Variants in AHNAK2 observed in about 807,000 individuals in gnomAD.
AHNAK2 encodes the protein protein AHNAK2.
AHNAK2 carries 18 observed loss-of-function variants against 30.7 expected under a neutral mutation model. That is an observed-to-expected ratio of 0.59 (90% CI 0.41 to 0.87). The LOEUF is 0.87. AHNAK2 is among the 40% of genes least tolerant of loss of function. AHNAK2 has a pLI of 0.00. For synonymous variants in AHNAK2, 3,590 were observed against 3,073.8 expected (o/e 1.17, Z -5.56); for missense variants, 8,604 against 7,373.0 (o/e 1.17, Z -6.11).
rs1381829552 is a variant in AHNAK2, at chr14:104,941,881, C to G, written c.13570G>C (p.Ala4524Pro). The stretch of plus-strand genomic sequence containing the variant: ...GGAAGTTTCAAGTCCACCTGGCCAG[C>G]CTGGACCTCCAGGTCGGCGGAAGGG... Reference protein sequence around the residue: ...QAPSADLEVQAGQVDLKLPEG... With the variant: ...QAPSADLEVQPGQVDLKLPEG... Residue 4524 changes from alanine (A) to proline (P), a missense_variant, in exon 7 of 7, where the codon GCT (alanine) becomes CCT (proline). Transcript: ENST00000333244. 3.7e-6 allele frequency: 6 copies of G among 1,613,436 alleles called. No individual in the cohort carries two copies. Among genetic ancestry groups the G allele is most frequent in the Admixed American group, 1.7e-5 (1 of 59,992 alleles).
In AHNAK2 at chr14:104,944,432, A is replaced by G. The variant is rs191005153; in HGVS notation, c.11019T>C (p.Ser3673=). ...TCAGGTCCCCCTGCATGGAGGGGAG[A>G]CTCACATCGGCTTCCACCTTGGGTG... is the stretch of plus-strand genomic sequence containing the variant. The part of the protein sequence containing the change: ...VSAPKVEADV[S]LPSMQGDLKT... Residue 3673 remains serine, a synonymous_variant, in exon 7 of 7, where the codon AGT becomes AGC. Transcript: ENST00000333244. 683 of 1,608,628 alleles carry G rather than the reference A, an allele frequency of 4.2e-4. 7 individuals are homozygous for G. The African/African-American group carries it at 7.7e-3, about 18-fold the overall frequency.
chr14:104,954,121 G>T lies in AHNAK2; in HGVS notation c.1330C>A (p.Pro444Thr). Residue 444 changes from proline (P) to threonine (T), a missense_variant, in exon 7 of 7, where the codon CCT (proline) becomes ACT (threonine). By Grantham distance (38) the Pro-to-Thr change is conservative. Transcript: ENST00000333244. This position sits in a 1 kb window ranked among gnomAD's most constrained non-coding sequence, Gnocchi z 4.3. ...CCTTCACCCTCCCGGCTCATTCCAGGAGTTGGCTGGGCCCTGGGCTTCCTC... is the reference window on the plus strand; with the variant it reads ...CCTTCACCCTCCCGGCTCATTCCAGTAGTTGGCTGGGCCCTGGGCTTCCTC... ...AQRKPRAQPT[P>T]GMSREGEGEG... 1 of 1,611,880 alleles carries T rather than the reference G, an allele frequency of 6.2e-7. No individual in the cohort carries two copies. Among genetic ancestry groups the T allele is most frequent in the Non-Finnish European group, 8.5e-7 (1 of 1,179,818 alleles).
rs1566921083 is a variant in AHNAK2 at position 104,954,550 on chromosome 14, CTG to C, written c.899_900del (p.Thr300ArgfsTer64). ...AHDVSPTSTD[T>X]EAQLTVERQE... ...TGGCGCTCCACCGTGAGCTGGGCCT[CTG>C]TGTCTGTGCTTGTAGGGGACACGTC... On this transcript the variant is annotated frameshift_variant, in exon 7 of 7. Transcript: ENST00000333244. LOFTEE classifies it low-confidence loss of function (END_TRUNC). This position sits in a 1 kb window ranked among gnomAD's most constrained non-coding sequence, Gnocchi z 4.3. The C allele has an allele frequency of 6.2e-7, 1 of 1,609,604 alleles. No homozygotes were observed. Among genetic ancestry groups the C allele is most frequent in the Admixed American group, 1.7e-5 (1 of 59,792 alleles).
In AHNAK2 at chr14:104,951,595, C is replaced by T. The variant is rs776115130; in HGVS notation, c.3856G>A (p.Glu1286Lys). The T allele has an allele frequency of 5.6e-6, 7 of 1,247,262 alleles. 1 individual carries two copies. Among genetic ancestry groups the T allele is most frequent in the African/African-American group, 4.2e-5 (3 of 70,818 alleles). 77.3% of individuals were successfully genotyped at this position (1,247,262 alleles called of 1,614,324 possible). A position where few individuals can be genotyped will look rare whatever the true frequency, so the allele number is the denominator to read the frequency against. The change falls in exon 7 of 7, where the codon GAA becomes AAA. Residue 1286 changes from glutamate to lysine, a missense_variant. Physicochemically the swap from Glu to Lys is moderately conservative, Grantham distance 56. Coordinates refer to ENST00000333244, the MANE Select transcript of AHNAK2 (RefSeq NM_138420.4). ...KGHKAEVTAHEVAVSLPSVEV... is the reference protein window; with the variant it reads ...KGHKAEVTAHKVAVSLPSVEV... ...ACACTGGGCAGAGACACAGCCACTT[C>T]GTGGGCCGTCACCTCTGCCTTATGA...
chr14:104,969,464 C>G (rs748002926), intron 1 of AHNAK2, among the ~76,000 whole-genome samples: 2 of 152,244 alleles, frequency 1.3e-5, no homozygotes, highest in Non-Finnish European at 2.9e-5. Context: ...GGCAAATTCA[C>G]AGACTGAGCT....
chr14:104,943,751 G>A lies in AHNAK2; in HGVS notation c.11700C>T (p.Asp3900=). 1.2e-6 allele frequency: 2 copies of A among 1,612,684 alleles called. No individual in the cohort carries two copies. The highest frequency in any genetic ancestry group is 1.1e-5 in the South Asian group (1 of 91,004). The change falls in exon 7 of 7, where the codon GAC becomes GAT. Residue 3900 remains aspartate, a synonymous_variant. Coordinates refer to ENST00000333244, the MANE Select transcript of AHNAK2 (RefSeq NM_138420.4). ...TGATGTCTATTTCAGGGCCCTTGAG[G>A]TCGACTTTGGGCATCTTGAAACTGG... The part of the protein sequence containing the change: ...QMPSFKMPKV[D]LKGPEIDIKG...
chr14:104,968,240 A>G (rs1177724176), intron 1 of AHNAK2, among the ~76,000 whole-genome samples: 6 of 152,180 alleles, frequency 3.9e-5, no homozygotes, highest in Admixed American at 3.9e-4. Context: ...AGTCCCTTGC[A>G]TGCCAGGGCA....
chr14:104,940,465 C>T lies in AHNAK2; in HGVS notation c.14986G>A (p.Ala4996Thr). The T allele has an allele frequency of 6.2e-7, 1 of 1,613,846 alleles. No individual in the cohort carries two copies. Among genetic ancestry groups the T allele is most frequent in the Non-Finnish European group, 8.5e-7 (1 of 1,179,892 alleles). ...LSLVLDKDEV[A>T]PQSAIHMDLP... Reference sequence around the variant, plus strand: ...TCCATGTGGATGGCAGACTGCGGGGCCACTTCATCCTTGTCTAAAACCAGG... The same window carrying T: ...TCCATGTGGATGGCAGACTGCGGGGTCACTTCATCCTTGTCTAAAACCAGG... The change falls in exon 7 of 7, where the codon GCC becomes ACC. Residue 4996 changes from alanine (A) to threonine (T), a missense_variant. Transcript: ENST00000333244. The surrounding 1 kb of genome is among the most constrained non-coding windows in gnomAD (Gnocchi z 4.4).
rs775156364 is a variant in AHNAK2 at position 104,941,708 on chromosome 14, C to T, written c.13743G>A (p.Glu4581=). Residue 4581 remains glutamate, a synonymous_variant, in exon 7 of 7, where the codon GAG becomes GAA. Transcript: ENST00000333244. The part of the protein sequence containing the change: ...PKLDLKGPKA[E]VMAPDVEVSL... ...ACACCTCCACATCGGGGGCCATCACCTCTGCCTTTGGGCCTTTCAGGTCCA... is the reference window on the plus strand; with the variant it reads ...ACACCTCCACATCGGGGGCCATCACTTCTGCCTTTGGGCCTTTCAGGTCCA... 1.2e-6 allele frequency: 2 copies of T among 1,613,736 alleles called. No individual in the cohort carries two copies. The highest frequency in any genetic ancestry group is 1.7e-5 in the Admixed American group (1 of 60,004).
Position 104,950,507 on chromosome 14 carries a change from G to C in AHNAK2, c.4944C>G (p.Asp1648Glu). 8 of 1,586,944 alleles carry C rather than the reference G, an allele frequency of 5.0e-6. 3 individuals are homozygous for C. Among genetic ancestry groups the C allele is most frequent in the Non-Finnish European group, 6.9e-6 (8 of 1,163,000 alleles). The change falls in exon 7 of 7, where the codon GAC (aspartate) becomes GAG (glutamate). Residue 1648 changes from aspartate (D) to glutamate (E), a missense_variant. Physicochemically the swap from Asp to Glu is conservative, Grantham distance 45. Transcript: ENST00000333244. ...TGCTGTCTTTGGCAGTCACCGCCTT[G>C]TCGGCCAGGGACAGGTCCCCCTCCA... Reference protein sequence around the residue: ...AQLEGDLSLADKAVTAKDSKF... With the variant: ...AQLEGDLSLAEKAVTAKDSKF...
rs867710538 is a variant in AHNAK2 at position 104,954,172 on chromosome 14, G to T, written c.1279C>A (p.Gln427Lys). 6.2e-7 allele frequency: 1 copy of T among 1,610,116 alleles called. No homozygotes were observed. The highest frequency in any genetic ancestry group is 8.5e-7 in the Non-Finnish European group (1 of 1,179,802). Residue 427 changes from glutamine to lysine, a missense_variant, in exon 7 of 7, where the codon CAG becomes AAG. Coordinates refer to ENST00000333244, the MANE Select transcript of AHNAK2 (RefSeq NM_138420.4). This position sits in a 1 kb window ranked among gnomAD's most constrained non-coding sequence, Gnocchi z 4.3. ...TGGGCCACTGCTGTCTCCTGTGCCT[G>T]CCCCTCCAGGGTCTTTCCATGGAGC... is the stretch of plus-strand genomic sequence containing the variant. ...ARLHGKTLEGQAQETAVAQRK... is the reference protein window; with the variant it reads ...ARLHGKTLEGKAQETAVAQRK...
chr14:104,941,182 T>C lies in AHNAK2; in HGVS notation c.14269A>G (p.Met4757Val). 2 of 1,613,634 alleles carry C rather than the reference T, an allele frequency of 1.2e-6. No individual in the cohort carries two copies. Among genetic ancestry groups the C allele is most frequent in the Non-Finnish European group, 8.5e-7 (1 of 1,179,904 alleles). ...GCAAAACCCACCTTAGGCATCTGCA[T>C]GGATGGCTCTGAACAAGCCGAAACC... The part of the protein sequence containing the change: ...QQVSACSEPS[M>V]QMPKVGFAGF... Residue 4757 changes from methionine to valine, a missense_variant, in exon 7 of 7, where the codon ATG becomes GTG. Transcript: ENST00000333244.
Position 104,970,369 on chromosome 14 carries a change from C to T in AHNAK2, c.55+7814G>A, listed in dbSNP as rs527393180. On this transcript the variant is annotated intron_variant, in intron 1 of 6. Coordinates refer to ENST00000333244, the MANE Select transcript of AHNAK2 (RefSeq NM_138420.4). ...CTAGCCCAGCTCTGTTCCTCCAGCC[C>T]CCCTTGCTGGTGGCCTGCTGGCCCC... 138 of 959,070 alleles carry T rather than the reference C, an allele frequency of 1.4e-4. No individual in the cohort carries two copies. In the African/African-American group the frequency reaches 2.3e-3, roughly 16 times the overall value. The allele number at this position is 959,070 out of a possible 1,614,324, so 59.4% of individuals were successfully genotyped here. A position where few individuals can be genotyped will look rare whatever the true frequency, so the allele number is the denominator to read the frequency against.
rs751909726 is a variant in AHNAK2, at chr14:104,943,192, C to A, written c.12259G>T (p.Val4087Leu). ...KLDLKGPKAE[V>L]TAPDVKMSLS... ...GACATCTTCACATCAGGGGCTGTCA[C>A]TTCCGCCTTGGGGCCTTTCAGGTCC... Residue 4087 changes from valine (V) to leucine (L), a missense_variant, in exon 7 of 7, where the codon GTG (valine) becomes TTG (leucine). Physicochemically the swap from Val to Leu is conservative, Grantham distance 32. Coordinates refer to ENST00000333244, the MANE Select transcript of AHNAK2 (RefSeq NM_138420.4). The A allele has an allele frequency of 2.5e-6, 4 of 1,613,486 alleles. No homozygotes were observed. Among genetic ancestry groups the A allele is most frequent in the Non-Finnish European group, 3.4e-6 (4 of 1,179,704 alleles).
Position 104,944,199 on chromosome 14 carries a change from T to G in AHNAK2, c.11252A>C (p.Lys3751Thr). ...VDIKGPKLDL[K>T]VSKAEVTAPD... Reference sequence around the variant, plus strand: ...GGCTGTGACTTCCGCCTTGGAGACTTTTAGGTCCAGCTTGGGGCCCTTGAT... The same window carrying G: ...GGCTGTGACTTCCGCCTTGGAGACTGTTAGGTCCAGCTTGGGGCCCTTGAT... The change falls in exon 7 of 7, where the codon AAA (lysine) becomes ACA (threonine). Residue 3751 changes from lysine (K) to threonine (T), a missense_variant. Physicochemically the swap from Lys to Thr is moderately conservative, Grantham distance 78 (BLOSUM62 -1). Transcript: ENST00000333244. The G allele has an allele frequency of 1.2e-6, 2 of 1,612,788 alleles. No homozygotes were observed. Among genetic ancestry groups the G allele is most frequent in the Middle Eastern group, 3.3e-4 (2 of 6,052 alleles).
intron 1 of AHNAK2, among the ~76,000 whole-genome samples, chr14:104,972,633 T>C (rs766662289): frequency 1.3e-4 from 20 of 152,230 alleles, no homozygotes; most frequent in Non-Finnish European, 4.4e-5. Flanking sequence ...GTGCGGCCAG[T>C]GTGGTCCGCC....
chr14:104,941,211 T>C lies in AHNAK2; in HGVS notation c.14240A>G (p.Gln4747Arg). 1 of 1,613,628 alleles carries C rather than the reference T, an allele frequency of 6.2e-7. No individual in the cohort carries two copies. The highest frequency in any genetic ancestry group is 8.5e-7 in the Non-Finnish European group (1 of 1,179,900). ...SSSECSSFEL[Q>R]QVSACSEPSM... ...TGGCTCTGAACAAGCCGAAACCTGT[T>C]GTAATTCAAAACTTGAGCATTCTGA... Residue 4747 changes from glutamine (Q) to arginine (R), a missense_variant, in exon 7 of 7, where the codon CAA (glutamine) becomes CGA (arginine). By Grantham distance (43) the Gln-to-Arg change is conservative. Coordinates refer to ENST00000333244, the MANE Select transcript of AHNAK2 (RefSeq NM_138420.4).
In AHNAK2 at chr14:104,941,721, C is replaced by T. The variant is rs201447248; in HGVS notation, c.13730G>A (p.Gly4577Asp). ...GGGGGCCATCACCTCTGCCTTTGGG[C>T]CTTTCAGGTCCAGCTTGGGGCCCTT... is the stretch of plus-strand genomic sequence containing the variant. ...DVKGPKLDLK[G>D]PKAEVMAPDV... Residue 4577 changes from glycine to aspartate, a missense_variant, in exon 7 of 7, where the codon GGC becomes GAC. By Grantham distance (94) the Gly-to-Asp change is moderately conservative. Coordinates refer to ENST00000333244, the MANE Select transcript of AHNAK2 (RefSeq NM_138420.4). 2.6e-5 allele frequency: 42 copies of T among 1,613,778 alleles called. No individual in the cohort carries two copies. In the Admixed American group the frequency reaches 6.5e-4, roughly 25 times the overall value.
chr14:104,955,226 C>T (rs931424143), intron 5 of AHNAK2, 85 bp from the exon 6 acceptor site: 20 of 1,463,934 alleles, frequency 1.4e-5, no homozygotes, highest in African/African-American at 8.4e-5. Flanking sequence ...AGGAGGGTCC[C>T]GGGGACATGA....
Sources: allele counts gnomAD v4.1 joint callset (sites outside exome capture counted in the v4.1 genomes callset), GRCh38; gene constraint gnomAD v4.1.1; non-coding constraint Gnocchi (gnomAD v3.1); transcripts MANE v1.5; gene names NCBI Gene and HGNC (gene_info 2026-07-23, HGNC 2026-07-21).